The following SRCAP variants were observed in gnomAD, a reference collection of about 807,000 sequenced individuals.
The protein encoded by SRCAP is chromatin remodeling protein SRCAP.
SRCAP carries 46 observed loss-of-function variants against 263.1 expected under a neutral mutation model. That is an observed-to-expected ratio of 0.17 (90% confidence interval 0.14 to 0.22). SRCAP has a LOEUF of 0.22. Ranked by LOEUF, SRCAP falls within the 10% of genes least tolerant of loss-of-function variation. The pLI, the probability that SRCAP is intolerant of heterozygous loss-of-function variation, is 1.00. For synonymous variants in SRCAP, 1,813 were observed against 1,662.1 expected (o/e 1.09, Z -2.21); for missense variants, 3,695 against 4,181.9 (o/e 0.88, Z 3.21).
intron 24 of SRCAP, 28 bp from the exon 25 acceptor site, chr16:30,723,556 G>T: frequency 6.3e-7 from 1 of 1,589,912 alleles, no homozygotes; most frequent in Non-Finnish European, 8.6e-7. Context: ...AAAGAATTCT[G>T]GGGCTAACTC....
chr16:30,715,865 C>T (rs529661300), intron 16 of SRCAP, among the ~76,000 whole-genome samples: 120 of 152,272 alleles, frequency 7.9e-4, no homozygotes, highest in African/African-American at 2.8e-3. Flanking sequence ...CCTTATATCA[C>T]TTCCTGTGTC....
intron 23 of SRCAP, 73 bp downstream of exon 23, chr16:30,722,821 G>C (rs1417727429): frequency 6.4e-7 from 1 of 1,553,108 alleles, no homozygotes; most frequent in Non-Finnish European, 8.7e-7. Flanking sequence ...GCTACTGTCT[G>C]TCCAGCCTTC....
At chr16:30,708,449 A>G (rs929884886) in intron 6 of SRCAP, among the ~76,000 whole-genome samples, 7 of 151,940 alleles carry the variant, frequency 4.6e-5, no homozygotes, top group African/African-American at 1.7e-4. Flanking sequence ...CACCTAGGGC[A>G]GTGGCGCAAT....
Position 30,724,597 on chromosome 16 carries a change from G to GTAC in SRCAP, c.5174_5176dup (p.Val1725_Pro1726insLeu). 1 of 1,613,972 alleles carries GTAC rather than the reference G, an allele frequency of 6.2e-7. No individual in the cohort carries two copies. On this transcript the variant is annotated inframe_insertion, in exon 25 of 34. Coordinates refer to ENST00000262518, the MANE Select transcript of SRCAP (RefSeq NM_006662.3). Reference sequence around the variant, plus strand: ...GTCATTAACTCCAGCATCATCCCTGGTACCAACTCCAGCCCAGACACTGTC... The same window carrying GTAC: ...GTCATTAACTCCAGCATCATCCCTGGTACTACCAACTCCAGCCCAGACACTGTC...
intron 25 of SRCAP, among the ~76,000 whole-genome samples, chr16:30,728,352 A>G (rs1042014398): frequency 6.6e-6 from 1 of 152,244 alleles, no homozygotes; most frequent in Non-Finnish European, 1.5e-5. Context: ...AATAAGTGAT[A>G]CAAAGAAGTT....
rs776770794 is a variant in SRCAP, at chr16:30,737,178, C to A, written c.7138C>A (p.Arg2380=). ...CTGTGGGACTGGTGGAGGCACCCAC[C>A]GGCGCAGTAAAAAGGCCAAAGCCCC... is the stretch of plus-strand genomic sequence containing the variant. ...SSCGTGGGTH[R]RSKKAKAPER... The change falls in exon 34 of 34, where the codon CGG becomes AGG. Residue 2380 remains arginine (R), a synonymous_variant. Transcript: ENST00000262518. The A allele has an allele frequency of 6.2e-7, 1 of 1,614,070 alleles. No individual in the cohort carries two copies. The highest frequency in any genetic ancestry group is 8.5e-7 in the Non-Finnish European group (1 of 1,179,998).
At position 30,712,327 on chromosome 16, in the gene SRCAP, C is replaced by A; in HGVS notation, c.1881C>A (p.Asp627Glu). 6.2e-7 allele frequency: 1 copy of A among 1,613,230 alleles called. No individual in the cohort carries two copies. The highest frequency in any genetic ancestry group is 1.3e-5 in the African/African-American group (1 of 74,998). Residue 627 changes from aspartate to glutamate, a missense_variant, in exon 13 of 34, where the codon GAC becomes GAA. This residue lies in a region of SRCAP where 121 missense variants were observed against 330.7 expected (regional missense o/e 0.37). Transcript: ENST00000262518. ...GGGAGTACCAGCACATTGGGCTAGA[C>A]TGGCTGGTTACCATGTATGAGAAGA... ...QLREYQHIGL[D>E]WLVTMYEKKL...
rs772299925 is a variant in SRCAP at position 30,722,281 on chromosome 16, T to C, written c.3701T>C (p.Leu1234Pro). The stretch of plus-strand genomic sequence containing the variant: ...CTTGCTGTGGGGCAGCCCCGCCCGC[T>C]GCAAAGTAGGTAAAACCCACCCCCT... ...RQLAVGQPRP[L>P]QRNVVHLVSA... The change falls in exon 22 of 34, where the codon CTG becomes CCG. Residue 1234 changes from leucine to proline, a missense_variant. Around this residue, in one of 12 missense-constraint regions of SRCAP, gnomAD observed 1,347 missense variants for 1,304.4 expected, o/e 1.03. Transcript: ENST00000262518. 6.8e-6 allele frequency: 11 copies of C among 1,613,394 alleles called. No individual in the cohort carries two copies. Among genetic ancestry groups the C allele is most frequent in the African/African-American group, 6.7e-5 (5 of 74,918 alleles).
chr16:30,713,401 TGGGAG>T (rs1446483236), intron 15 of SRCAP, 24 bp downstream of exon 15: 1 of 1,613,830 alleles, frequency 6.2e-7, no homozygotes, highest in Non-Finnish European at 8.5e-7. Flanking sequence ...TGGGGATTCA[TGGGAG>T]GGTTGACTTG....
intron 25 of SRCAP, chr16:30,725,325 T>C: frequency 4.5e-6 from 3 of 661,542 alleles, no homozygotes; most frequent in Non-Finnish European, 4.6e-6. Context: ...CCGGCCTCTT[T>C]TCCCGTTTTT....
At chr16:30,726,887 A>G (rs1215923001) in intron 25 of SRCAP, among the ~76,000 whole-genome samples, 1 of 152,072 alleles carries the variant, frequency 6.6e-6, no homozygotes, top group Non-Finnish European at 1.5e-5. Flanking sequence ...TTTTTAGTAG[A>G]GATGGGGTTT....
rs969174143 is a variant in SRCAP at position 30,713,243 on chromosome 16, C to T, written c.2166C>T (p.Ile722=). The change falls in exon 15 of 34, where the codon ATC becomes ATT. Residue 722 remains isoleucine (I), a synonymous_variant. Transcript: ENST00000262518. The stretch of plus-strand genomic sequence containing the variant: ...AGCCCAATGCCTTTCATGTGTGTAT[C>T]ACATCTTACAAGCTGGTGCTGCAGG... The part of the protein sequence containing the change: ...WTKPNAFHVC[I]TSYKLVLQDH... 4 of 1,614,098 alleles carry T rather than the reference C, an allele frequency of 2.5e-6. No individual in the cohort carries two copies. The highest frequency in any genetic ancestry group is 2.5e-6 in the Non-Finnish European group (3 of 1,180,030).
At position 30,738,947 on chromosome 16, in the gene SRCAP, C is replaced by G. The variant is rs886051907; in HGVS notation, c.8907C>G (p.Pro2969=). The change falls in exon 34 of 34, where the codon CCC becomes CCG. Residue 2969 remains proline, a synonymous_variant. Coordinates refer to ENST00000262518, the MANE Select transcript of SRCAP (RefSeq NM_006662.3). ...DGNSESRTQP[P]PHPSPLTPLP... ...ACTCCGAAAGTCGGACACAGCCACC[C>G]CCACACCCATCACCCCTAACCCCAC... is the stretch of plus-strand genomic sequence containing the variant. The G allele has an allele frequency of 6.2e-7, 1 of 1,613,850 alleles. No individual in the cohort carries two copies. Among genetic ancestry groups the G allele is most frequent in the Non-Finnish European group, 8.5e-7 (1 of 1,179,902 alleles).
chr16:30,711,813 A>T (rs1409421398), intron 11 of SRCAP, 22 bp from the exon 12 acceptor site: 1 of 1,612,062 alleles, frequency 6.2e-7, no homozygotes, highest in Admixed American at 1.7e-5. Context: ...GATGAGCAGT[A>T]AGCCTTGGTC....
intron 10 of SRCAP, 101 bp from the exon 11 acceptor site, chr16:30,711,470 A>C: frequency 8.0e-7 from 1 of 1,247,822 alleles, no homozygotes; most frequent in Non-Finnish European, 1.1e-6. Flanking sequence ...ACCTGGGCCT[A>C]GCAGTATCTA....
intron 6 of SRCAP, among the ~76,000 whole-genome samples, chr16:30,707,999 A>G (rs1368083146): frequency 6.6e-6 from 1 of 152,198 alleles, no homozygotes; most frequent in Non-Finnish European, 1.5e-5. Flanking sequence ...AAATTCCGTC[A>G]AAGTTCCCAC....
chr16:30,739,313 G>A lies in SRCAP; in HGVS notation c.9273G>A (p.Gln3091=). The A allele has an allele frequency of 2.5e-6, 4 of 1,614,206 alleles. No individual in the cohort carries two copies. The highest frequency in any genetic ancestry group is 2.5e-6 in the Non-Finnish European group (3 of 1,180,038). ...GGTCCATGGTGGTGGCTGTAATTCA[G>A]GATGACCTGGACTTAGCAGATAGCG... ...SGGSMVVAVI[Q]DDLDLADSGP... Residue 3091 remains glutamine, a synonymous_variant, in exon 34 of 34, where the codon CAG becomes CAA. Coordinates refer to ENST00000262518, the MANE Select transcript of SRCAP (RefSeq NM_006662.3).
intron 33 of SRCAP, 37 bp from the exon 34 acceptor site, chr16:30,737,012 G>T: frequency 1.3e-6 from 2 of 1,541,720 alleles, no homozygotes; most frequent in South Asian, 1.3e-5. Flanking sequence ...TACTCTGCTT[G>T]CCTCCTCCTG....
chr16:30,722,460 G>A, intron 22 of SRCAP, 103 bp from the exon 23 acceptor site: 2 of 1,517,152 alleles, frequency 1.3e-6, no homozygotes, highest in South Asian at 2.5e-5. Context: ...TCATTCTAGA[G>A]AATGTATTCC....
Sources: gnomAD v4.1 joint callset for allele counts (sites outside exome capture counted in the v4.1 genomes callset) on GRCh38, gnomAD v4.1.1 for gene constraint, gnomAD v4.1.1 regional missense constraint, MANE v1.5 for transcripts, NCBI Gene and HGNC (gene_info 2026-07-23, HGNC 2026-07-21) for gene names.